Variants in WWOX observed in about 807,000 individuals in gnomAD.
WWOX encodes WW domain containing oxidoreductase, also known as WW domain-containing oxidoreductase.
A neutral mutation model predicts 46.2 loss-of-function variants in WWOX; 69 were observed. That is an observed-to-expected ratio of 1.49 (90% CI 1.23 to 1.82). The LOEUF (loss-of-function observed/expected upper bound fraction) is 1.82, where lower values mean the gene tolerates loss of function less well. WWOX is among the 40% of genes most tolerant of loss of function. The pLI is 0.00. For synonymous variants in WWOX, 359 were observed against 202.6 expected (o/e 1.77, Z -6.56); for missense variants, 919 against 542.6 (o/e 1.69, Z -6.89).
At chr16:78,802,942 A>AAAAAAAAAAAAAAAAAG (rs2050932605) in intron 8 of WWOX, among the ~76,000 whole-genome samples, 1 of 28,566 alleles carries the variant, frequency 3.5e-5, no homozygotes, top group African/African-American at 1.1e-4. Flanking sequence ...AAAAAAAAAA[A>AAAAAAAAAAAAAAAAAG]CAACAAACAG....
chr16:78,827,678 A>AT (rs912797428), intron 8 of WWOX, among the ~76,000 whole-genome samples: 39 of 94,312 alleles, frequency 4.1e-4, no homozygotes, highest in African/African-American at 1.5e-3. Flanking sequence ...ACTAAAAATA[A>AT]AAAAAAAAAA....
In WWOX at chr16:78,115,122, T is replaced by C; in HGVS notation, c.377T>C (p.Val126Ala). The C allele has an allele frequency of 1.2e-6, 2 of 1,614,158 alleles. No homozygotes were observed. Among genetic ancestry groups the C allele is most frequent in the Non-Finnish European group, 1.7e-6 (2 of 1,180,030 alleles). The change falls in exon 4 of 9, where the codon GTG becomes GCG. Residue 126 changes from valine (V) to alanine (A), a missense_variant. Physicochemically the swap from Val to Ala is moderately conservative, Grantham distance 64. Transcript: ENST00000566780. ...CAGGGCCGGGATTTCACTGGCAAAG[T>C]GGTTGTGGTCACTGGAGCTAATTCA... ...ILQGRDFTGK[V>A]VVVTGANSGI...
intron 8 of WWOX, among the ~76,000 whole-genome samples, chr16:79,064,447 G>C (rs2048407316): frequency 6.6e-6 from 1 of 152,204 alleles, no homozygotes; most frequent in Non-Finnish European, 1.5e-5. Context: ...TGCTGACTCA[G>C]CACCTGCAGA....
Position 78,543,824 on chromosome 16 carries a change from C to G in WWOX, c.1056+111072C>G, listed in dbSNP as rs1395223177. Among the ~76,000 whole-genome samples the G allele has an allele frequency of 2.0e-5, 3 of 152,272 alleles. No homozygotes were observed. In the East Asian group the frequency reaches 5.8e-4, roughly 29 times the overall value. On this transcript the variant is annotated intron_variant, in intron 8 of 8. Transcript: ENST00000566780. ...CCCATAAATTGCATCTCCCGCAGGG[C>G]CTGATAGGTGCCCTGTCTTCCTGCT... is the stretch of plus-strand genomic sequence containing the variant.
intron 8 of WWOX, among the ~76,000 whole-genome samples, chr16:78,662,950 G>GT (rs976262221): frequency 1.3e-5 from 2 of 152,090 alleles, no homozygotes; most frequent in Non-Finnish European, 2.9e-5. Flanking sequence ...CAGCCAGGGT[G>GT]TTTTTTTAAC....
intron 4 of WWOX, among the ~76,000 whole-genome samples, chr16:78,121,007 A>C (rs930103443): frequency 1.3e-5 from 2 of 152,146 alleles, no homozygotes; most frequent in East Asian, 3.9e-4. Flanking sequence ...GTTATTCCAA[A>C]AGGTCCCATA....
At position 78,775,516 on chromosome 16, in the gene WWOX, G is replaced by GT. The variant is rs887731461; in HGVS notation, c.1056+342765dup. Among the ~76,000 whole-genome samples the GT allele has an allele frequency of 2.8e-4, 43 of 152,252 alleles. 1 individual carries two copies. Among genetic ancestry groups the GT allele is most frequent in the Middle Eastern group, 6.8e-3 (2 of 294 alleles). ...AAGTCACTGTAGCGCCCTCCGGGGGGTGGGGTATCAAGGGAGAGTATGGGC... is the reference window on the plus strand; with the variant it reads ...AAGTCACTGTAGCGCCCTCCGGGGGGTTGGGGTATCAAGGGAGAGTATGGGC... On this transcript the variant is annotated intron_variant, in intron 8 of 8. Coordinates refer to ENST00000566780, the MANE Select transcript of WWOX (RefSeq NM_016373.4).
At chr16:78,378,108 G>A (rs370573376) in intron 5 of WWOX, among the ~76,000 whole-genome samples, 2 of 151,674 alleles carry the variant, frequency 1.3e-5, no homozygotes, top group Non-Finnish European at 2.9e-5. Context: ...ATCCCCCTGC[G>A]TCCCCCCGCC....
At chr16:79,205,206 T>A (rs2150841580) in intron 8 of WWOX, 1 of 152,344 alleles carries the variant, frequency 6.6e-6, no homozygotes, top group East Asian at 1.9e-4. Context: ...TAATTTGTGG[T>A]TGTGGTCTGT....
At chr16:78,486,097 G>C (rs73576870) in intron 8 of WWOX, among the ~76,000 whole-genome samples, 1 of 152,160 alleles carries the variant, frequency 6.6e-6, no homozygotes, top group South Asian at 2.1e-4. Flanking sequence ...ATGTGAGGGG[G>C]TGTGTGGTGG....
At chr16:78,331,969 A>C (rs2080767311) in intron 5 of WWOX, among the ~76,000 whole-genome samples, 1 of 152,176 alleles carries the variant, frequency 6.6e-6, no homozygotes, top group South Asian at 2.1e-4. Context: ...GCTGACTCCA[A>C]AGCTGTGTCC....
intron 8 of WWOX, among the ~76,000 whole-genome samples, chr16:78,603,386 C>T (rs953886847): frequency 7.9e-5 from 12 of 152,272 alleles, no homozygotes; most frequent in African/African-American, 2.6e-4. Flanking sequence ...ATCAGGCAAA[C>T]TACATGCATT....
chr16:78,429,150 G>C (rs938109316), intron 7 of WWOX, among the ~76,000 whole-genome samples: 21 of 152,172 alleles, frequency 1.4e-4, no homozygotes, highest in Non-Finnish European at 1.5e-5. Flanking sequence ...TACTTTCCAA[G>C]AATTCACAGT....
At chr16:79,171,051 T>C (rs979948141) in intron 8 of WWOX, among the ~76,000 whole-genome samples, 3 of 152,194 alleles carry the variant, frequency 2.0e-5, no homozygotes, top group Non-Finnish European at 4.4e-5. Flanking sequence ...GAAGTGAACT[T>C]TAAGAGGAAC....
chr16:78,513,235 C>G (rs9935520), intron 8 of WWOX, among the ~76,000 whole-genome samples: 7,408 of 152,264 alleles, frequency 0.049, 217 homozygotes, highest in Middle Eastern at 0.068. Flanking sequence ...AATTATACTT[C>G]AAAGATGCTA....
chr16:78,847,855 T>G (rs2052341272), intron 8 of WWOX, among the ~76,000 whole-genome samples: 1 of 151,956 alleles, frequency 6.6e-6, no homozygotes, highest in Non-Finnish European at 1.5e-5. Context: ...CATTGCCCAG[T>G]GGAATCTTAG....
chr16:78,935,111 C>A (rs912668896), intron 8 of WWOX, among the ~76,000 whole-genome samples: 9 of 152,120 alleles, frequency 5.9e-5, no homozygotes, highest in African/African-American at 2.2e-4. Context: ...AAAACAGGTC[C>A]TGGAGAGGAT....
intron 8 of WWOX, among the ~76,000 whole-genome samples, chr16:79,031,422 AG>A (rs59149676): frequency 0.37 from 56,159 of 151,852 alleles, 11,325 homozygotes; most frequent in East Asian, 0.64. Context: ...GAAACGCATT[AG>A]ACATCTTCAA....
chr16:78,818,588 G>T (rs2051406605), intron 8 of WWOX, among the ~76,000 whole-genome samples: 1 of 152,184 alleles, frequency 6.6e-6, no homozygotes, highest in Admixed American at 6.5e-5. Flanking sequence ...AAAATCGGCT[G>T]GGCATGGTGG....
Sources: allele counts gnomAD v4.1 joint callset (sites outside exome capture counted in the v4.1 genomes callset), GRCh38; gene constraint gnomAD v4.1.1; transcripts MANE v1.5; gene names NCBI Gene and HGNC (gene_info 2026-07-23, HGNC 2026-07-21).